The following GMPPB variants were observed in gnomAD, a reference collection of about 807,000 sequenced individuals.
GMPPB encodes the protein GDP-mannose pyrophosphorylase B, also known as mannose-1-phosphate guanylyltransferase catalytic subunit beta.
Under a neutral mutation model 40.3 loss-of-function variants are expected in GMPPB, and 38 were observed. That is an observed-to-expected ratio of 0.94 (90% confidence interval 0.73 to 1.24). GMPPB has a LOEUF of 1.24. Among genes scored for constraint, GMPPB ranks in the 50% most tolerant of loss-of-function variants. The probability of loss-of-function intolerance (pLI) is 0.00; values close to 1 mark genes in which losing one functional copy is unlikely to be tolerated. For synonymous variants in GMPPB, 193 were observed against 191.8 expected (o/e 1.01, Z -0.05); for missense variants, 436 against 487.1 (o/e 0.90, Z 0.99).
Position 49,721,872 on chromosome 3 carries a change from C to T in GMPPB, c.963G>A (p.Glu321=), listed in dbSNP as rs2080416092. The T allele has an allele frequency of 1.2e-6, 2 of 1,613,952 alleles. No individual in the cohort carries two copies. The highest frequency in any genetic ancestry group is 1.1e-5 in the South Asian group (1 of 91,092). Residue 321 remains glutamate (E), a synonymous_variant, in exon 9 of 9, where the codon GAG becomes GAA. Coordinates refer to ENST00000308388, the MANE Select transcript of GMPPB (RefSeq NM_021971.4). ...CGTCCTCACCCAGCACTGTCACGTT[C>T]TCCATGCGTACCTCCAGGAGAGGAT... ...RCRVGQWVRM[E]NVTVLGEDVI...
At position 49,722,358 on chromosome 3, in the gene GMPPB, C is replaced by T. The variant is rs1457947519; in HGVS notation, c.641G>A (p.Gly214Asp). 6.2e-7 allele frequency: 1 copy of T among 1,613,792 alleles called. No individual in the cohort carries two copies. ...GGGCTGCCCAATGTCCATCCAGAAG[C>T]CTGTAGGGAGGGATGCATCAGGGGC... ...EGQLYAMELQ[G>D]FWMDIGQPKD... The change falls in exon 7 of 9, where the codon GGC becomes GAC. Residue 214 changes from glycine (G) to aspartate (D), a missense_variant and splice_region_variant. Transcript: ENST00000308388.
intron 1 of GMPPB, 22 bp from the exon 2 acceptor site, chr3:49,723,494 G>A: frequency 3.7e-6 from 6 of 1,612,992 alleles, no homozygotes; most frequent in Non-Finnish European, 5.1e-6. Context: ...CAGGCCGACG[G>A]GCGGGCTCAG....
At position 49,721,508 on chromosome 3, in the gene GMPPB, C is replaced by T. The variant is rs2080407520; in HGVS notation, c.*244G>A. The stretch of plus-strand genomic sequence containing the variant: ...GACTTTCAGTCAGGGCCACAGTGAG[C>T]ATTAAATTATTATTCCATACAGCCC... On this transcript the variant is annotated 3_prime_UTR_variant, in exon 9 of 9. Coordinates refer to ENST00000308388, the MANE Select transcript of GMPPB (RefSeq NM_021971.4). 9.5e-6 allele frequency: 8 copies of T among 845,776 alleles called. No homozygotes were observed. The East Asian group carries it at 2.0e-4, about 22-fold the overall frequency. The allele number at this position is 845,776 out of a possible 1,614,324, so 52.4% of individuals were successfully genotyped here. A position where few individuals can be genotyped will look rare whatever the true frequency, so the allele number is the denominator to read the frequency against.
In GMPPB at chr3:49,721,748, C is replaced by T. The variant is rs1458243283; in HGVS notation, c.*4G>A. ...CGGGGCTCGGCCAGCCCCACTGCAT[C>T]CCCTCACATGATGATACGAGGCTCT... is the stretch of plus-strand genomic sequence containing the variant. On this transcript the variant is annotated 3_prime_UTR_variant, in exon 9 of 9. Transcript: ENST00000308388. The T allele has an allele frequency of 1.3e-6, 2 of 1,593,836 alleles. No individual in the cohort carries two copies. Among genetic ancestry groups the T allele is most frequent in the Non-Finnish European group, 1.7e-6 (2 of 1,173,168 alleles).
In GMPPB at chr3:49,721,419, C is replaced by G. The variant is rs1462193786; in HGVS notation, c.*333G>C. ...TGTATCCCACACCACCACATCCAAC[C>G]TCCTTGCCTGCCTGTATCCTCATTG... On this transcript the variant is annotated 3_prime_UTR_variant, in exon 9 of 9. Transcript: ENST00000308388. 1.4e-6 allele frequency: 2 copies of G among 1,379,638 alleles called. No homozygotes were observed. Among genetic ancestry groups the G allele is most frequent in the East Asian group, 4.6e-5 (2 of 43,834 alleles). 85.5% of individuals were successfully genotyped at this position (1,379,638 alleles called of 1,614,324 possible). A position where few individuals can be genotyped will look rare whatever the true frequency, so the allele number is the denominator to read the frequency against.
rs775910135 is a variant in GMPPB at position 49,721,978 on chromosome 3, C to T, written c.938G>A (p.Arg313His). ...CCACAGGCTTACCCACTGACCCACG[C>T]GGCAGCGCCAGCCCACAATGCAGGA... ...LESCIVGWRC[R>H]VGQWVRMENV... Residue 313 changes from arginine to histidine, a missense_variant, in exon 8 of 9, where the codon CGC (arginine) becomes CAC (histidine). Coordinates refer to ENST00000308388, the MANE Select transcript of GMPPB (RefSeq NM_021971.4). The T allele has an allele frequency of 3.7e-6, 6 of 1,613,440 alleles. No homozygotes were observed. The highest frequency in any genetic ancestry group is 1.1e-5 in the South Asian group (1 of 91,082).
chr3:49,721,124 TTGG>T lies in GMPPB; in HGVS notation c.*625_*627del. 1 of 1,613,950 alleles carries T rather than the reference TTGG, an allele frequency of 6.2e-7. No homozygotes were observed. The highest frequency in any genetic ancestry group is 8.5e-7 in the Non-Finnish European group (1 of 1,179,880). On this transcript the variant is annotated 3_prime_UTR_variant, in exon 9 of 9. Transcript: ENST00000308388. Reference sequence around the variant, plus strand: ...CCTGCAAGTAAGTGGGCCCCACAGCTTGGTGGTGGGGAGAGCAGTAGGTACATG... The same window carrying T: ...CCTGCAAGTAAGTGGGCCCCACAGCTTGGTGGGGAGAGCAGTAGGTACATG...
At chr3:49,722,906 T>C in intron 4 of GMPPB, 66 bp downstream of exon 4, 2 of 1,569,138 alleles carry the variant, frequency 1.3e-6, no homozygotes, top group Non-Finnish European at 1.7e-6. Context: ...AGATGAAGGC[T>C]AGGGGGCATG....
intron 4 of GMPPB, 108 bp downstream of exon 4, chr3:49,722,864 T>C (rs912225808): frequency 1.5e-5 from 23 of 1,492,606 alleles, no homozygotes; most frequent in Non-Finnish European, 2.1e-5. Flanking sequence ...AGATACATAC[T>C]GCACAGCTCT....
Position 49,720,386 on chromosome 3 carries a change from G to C in GMPPB, c.*1366C>G, listed in dbSNP as rs572104018. ...CAGGACTTGGGGTTTGGGAAGCAGG[G>C]AGACGGAAAGGATGCAGGGGGGGTG... On this transcript the variant is annotated 3_prime_UTR_variant, in exon 9 of 9. Transcript: ENST00000308388. 4 of 959,280 alleles carry C rather than the reference G, an allele frequency of 4.2e-6. No homozygotes were observed. In the African/African-American group the frequency reaches 6.5e-5, roughly 16 times the overall value. The allele number at this position is 959,280 out of a possible 1,614,324, so 59.4% of individuals were successfully genotyped here. A position where few individuals can be genotyped will look rare whatever the true frequency, so the allele number is the denominator to read the frequency against.
Position 49,723,866 on chromosome 3 carries a change from C to T in GMPPB, c.-140G>A, listed in dbSNP as rs569168544. On this transcript the variant is annotated 5_prime_UTR_variant, in exon 1 of 9. Coordinates refer to ENST00000308388, the MANE Select transcript of GMPPB (RefSeq NM_021971.4). ...CGCCTGACAGACTCTGGCTCCACCTCGTCCGCCCGGTCGCCCTGACGCCGG... is the reference window on the plus strand; with the variant it reads ...CGCCTGACAGACTCTGGCTCCACCTTGTCCGCCCGGTCGCCCTGACGCCGG... 9.0e-6 allele frequency: 9 copies of T among 999,010 alleles called. No individual in the cohort carries two copies. Among genetic ancestry groups the T allele is most frequent in the South Asian group, 1.8e-5 (1 of 56,370 alleles). 61.9% of individuals were successfully genotyped at this position (999,010 alleles called of 1,614,324 possible).
In GMPPB at chr3:49,722,102, C is replaced by T; in HGVS notation, c.814G>A (p.Val272Met). 6.2e-7 allele frequency: 1 copy of T among 1,613,528 alleles called. No homozygotes were observed. Among genetic ancestry groups the T allele is most frequent in the Non-Finnish European group, 8.5e-7 (1 of 1,179,980 alleles). The stretch of plus-strand genomic sequence containing the variant: ...ACCACCACGCCAGGTCCCAGGCTCA[C>T]ATTGGGGCCAATGCTGCAGTTCTGG... ...IGQNCSIGPNVSLGPGVVVED... is the reference protein window; with the variant it reads ...IGQNCSIGPNMSLGPGVVVED... Residue 272 changes from valine to methionine, a missense_variant, in exon 8 of 9, where the codon GTG becomes ATG. Transcript: ENST00000308388.
chr3:49,723,169 G>A, intron 3 of GMPPB, 55 bp from the exon 4 acceptor site: 2 of 1,611,778 alleles, frequency 1.2e-6, no homozygotes, highest in South Asian at 1.1e-5. Flanking sequence ...CCTGGATTCA[G>A]GCTCAGCAGG....
In GMPPB at chr3:49,719,947, A is replaced by ACTT. The variant is rs1157891520; in HGVS notation, c.*1802_*1804dup. ...CTGCTGTTAGTGTTTATTTGAAGTGACTTTGAAGGACTGATAATATTATGG... is the reference window on the plus strand; with the variant it reads ...CTGCTGTTAGTGTTTATTTGAAGTGACTTCTTTGAAGGACTGATAATATTATGG... On this transcript the variant is annotated 3_prime_UTR_variant, in exon 9 of 9. Transcript: ENST00000308388. The ACTT allele has an allele frequency of 6.0e-6, 1 of 168,058 alleles. No individual in the cohort carries two copies. Among genetic ancestry groups the ACTT allele is most frequent in the Non-Finnish European group, 1.3e-5 (1 of 76,866 alleles). 10.4% of individuals were successfully genotyped at this position (168,058 alleles called of 1,614,324 possible).
rs2080359211 is a variant in GMPPB at position 49,719,981 on chromosome 3, G to C, written c.*1771C>G. ...GACTGATAATATTATGGGGCAGGCAGACTCTCACTATCTTAAGGTGGTTCG... is the reference window on the plus strand; with the variant it reads ...GACTGATAATATTATGGGGCAGGCACACTCTCACTATCTTAAGGTGGTTCG... On this transcript the variant is annotated 3_prime_UTR_variant, in exon 9 of 9. Coordinates refer to ENST00000308388, the MANE Select transcript of GMPPB (RefSeq NM_021971.4). 1 of 163,044 alleles carries C rather than the reference G, an allele frequency of 6.1e-6. No homozygotes were observed. Among genetic ancestry groups the C allele is most frequent in the Non-Finnish European group, 1.4e-5 (1 of 73,860 alleles). The allele number at this position is 163,044 out of a possible 1,614,324, so 10.1% of individuals were successfully genotyped here. A position where few individuals can be genotyped will look rare whatever the true frequency, so the allele number is the denominator to read the frequency against.
At position 49,723,773 on chromosome 3, in the gene GMPPB, C is replaced by A. The variant is rs2080462338; in HGVS notation, c.-47G>T. The A allele has an allele frequency of 1.3e-6, 2 of 1,524,764 alleles. No individual in the cohort carries two copies. The highest frequency in any genetic ancestry group is 2.2e-5 in the Admixed American group (1 of 45,858). 94.5% of individuals were successfully genotyped at this position (1,524,764 alleles called of 1,614,324 possible). A position where few individuals can be genotyped will look rare whatever the true frequency, so the allele number is the denominator to read the frequency against. On this transcript the variant is annotated 5_prime_UTR_variant, in exon 1 of 9. Transcript: ENST00000308388. ...GGTGTCCCGGGCTCTGAGGTGCCTG[C>A]AGCCCGCCTGGCCGGTCCCTGCCGC...
chr3:49,720,664 TG>T lies in GMPPB; in HGVS notation c.*1087del, dbSNP rs2080383928. 6.3e-7 allele frequency: 1 copy of T among 1,596,194 alleles called. No individual in the cohort carries two copies. The highest frequency in any genetic ancestry group is 1.3e-5 in the African/African-American group (1 of 74,622). ...TCTCCCTGCAGAGCTGTGAGTGGGC[TG>T]GTGGGGCAGGTCAGGGAAATCTGGG... On this transcript the variant is annotated 3_prime_UTR_variant, in exon 9 of 9. Transcript: ENST00000308388.
chr3:49,721,448 G>C lies in GMPPB; in HGVS notation c.*304C>G, dbSNP rs1481979373. The C allele has an allele frequency of 1.7e-6, 2 of 1,160,508 alleles. No individual in the cohort carries two copies. The highest frequency in any genetic ancestry group is 4.7e-5 in the East Asian group (2 of 42,840). The allele number at this position is 1,160,508 out of a possible 1,614,324, so 71.9% of individuals were successfully genotyped here. ...TTGCCTGCCTGTATCCTCATTGGTG[G>C]GAGCCCAGCCATGGCCCTAATTGTG... On this transcript the variant is annotated 3_prime_UTR_variant, in exon 9 of 9. Coordinates refer to ENST00000308388, the MANE Select transcript of GMPPB (RefSeq NM_021971.4).
In GMPPB at chr3:49,722,614, T is replaced by C. The variant is rs2080434465; in HGVS notation, c.543A>G (p.Ala181=). ...TACACACCTGGATGCGCTGCAGCAC[T>C]GCAGGGCTCAGGATGTACATGCCTG... ...INAGMYILSP[A]VLQRIQLQPT... The change falls in exon 5 of 9, where the codon GCA becomes GCG. Residue 181 remains alanine (A), a synonymous_variant. Coordinates refer to ENST00000308388, the MANE Select transcript of GMPPB (RefSeq NM_021971.4). 1 of 1,614,090 alleles carries C rather than the reference T, an allele frequency of 6.2e-7. No homozygotes were observed. Among genetic ancestry groups the C allele is most frequent in the Non-Finnish European group, 8.5e-7 (1 of 1,179,988 alleles).
Sources: allele counts gnomAD v4.1 joint callset, GRCh38; gene constraint gnomAD v4.1.1; transcripts MANE v1.5; gene names NCBI Gene and HGNC (gene_info 2026-07-23, HGNC 2026-07-21).